INPP5A: variants seen among roughly 807,000 people sequenced by gnomAD.
INPP5A encodes 43 kDa inositol polyphosphate 5-phophatase.
In INPP5A, 14 loss-of-function variants were observed where a neutral mutation model predicts 65.2. That is an observed-to-expected ratio of 0.21 (90% CI 0.14 to 0.34). INPP5A has a LOEUF of 0.34. Ranked by LOEUF, INPP5A falls within the 10% of genes least tolerant of loss-of-function variation. INPP5A has a pLI of 1.00. For missense variants in INPP5A, 431 were observed against 545.6 expected (o/e 0.79, Z 2.09); for synonymous variants, 207 against 208.3 (o/e 0.99, Z 0.05).
At chr10:132,543,567 C>A (rs1167463075) in intron 1 of INPP5A, among the ~76,000 whole-genome samples, 2 of 152,368 alleles carry the variant, frequency 1.3e-5, no homozygotes, top group East Asian at 3.9e-4. Context: ...CAGGCATGCA[C>A]CACTATGCCC....
At chr10:132,736,500 G>A (rs532921946) in intron 9 of INPP5A, among the ~76,000 whole-genome samples, 12 of 152,360 alleles carry the variant, frequency 7.9e-5, no homozygotes, top group East Asian at 3.9e-4. Flanking sequence ...AGCCGTCCTC[G>A]GAGAGGGGCT....
intron 11 of INPP5A, among the ~76,000 whole-genome samples, chr10:132,752,830 C>G (rs1258398250): frequency 6.6e-6 from 1 of 152,114 alleles, no homozygotes; most frequent in Non-Finnish European, 1.5e-5. Context: ...CTGTCGGTAG[C>G]CACCATACCG....
intron 6 of INPP5A, among the ~76,000 whole-genome samples, chr10:132,699,218 G>A (rs540262236): frequency 3.3e-5 from 5 of 152,200 alleles, no homozygotes; most frequent in African/African-American, 7.2e-5. Flanking sequence ...GTGCAGGCCC[G>A]TCGGAAGGGC....
At chr10:132,754,261 G>A (rs1168442982) in intron 11 of INPP5A, among the ~76,000 whole-genome samples, 2 of 152,258 alleles carry the variant, frequency 1.3e-5, no homozygotes, top group African/African-American at 4.8e-5. Flanking sequence ...GACCCGTGGG[G>A]TAAAGACCGC....
chr10:132,608,731 G>A (rs550191741), intron 2 of INPP5A, among the ~76,000 whole-genome samples: 4 of 152,354 alleles, frequency 2.6e-5, no homozygotes, highest in Admixed American at 6.5e-5. Flanking sequence ...TGGCCTGGAC[G>A]GTGGAGCTGC....
intron 4 of INPP5A, among the ~76,000 whole-genome samples, chr10:132,656,706 C>T (rs1348418478): frequency 6.6e-6 from 1 of 152,240 alleles, no homozygotes; most frequent in African/African-American, 2.4e-5. Context: ...TGAAGGGCAC[C>T]AAGCAGGGTT....
intron 8 of INPP5A, among the ~76,000 whole-genome samples, chr10:132,723,604 GTGGGGATTGGCCGTGTGGGGATTGGTTT>G (rs1845930954): frequency 1.4e-5 from 2 of 147,730 alleles, no homozygotes; most frequent in East Asian, 2.0e-4. Context: ...GATTGGTTTT[GTGGGGATTGGCCGTGTGGGGATTGGTTT>G]TGTGGGGATT....
intron 4 of INPP5A, among the ~76,000 whole-genome samples, chr10:132,672,935 A>C (rs1450449124): frequency 1.3e-5 from 2 of 151,964 alleles, no homozygotes. Flanking sequence ...CCAAACCTTC[A>C]TTCCTGAGGG....
chr10:132,562,823 C>T (rs1001247745), intron 1 of INPP5A, among the ~76,000 whole-genome samples: 5 of 152,216 alleles, frequency 3.3e-5, no homozygotes, highest in Non-Finnish European at 5.9e-5. Context: ...AGAGGCCCCT[C>T]GAGAGGGACA....
chr10:132,778,646 C>T (rs927458437), intron 13 of INPP5A, among the ~76,000 whole-genome samples: 1 of 152,188 alleles, frequency 6.6e-6, no homozygotes, highest in African/African-American at 2.4e-5. Context: ...CTGAACATAA[C>T]GTGGGTGTGC....
At chr10:132,607,838 C>T (rs1437573610) in intron 1 of INPP5A, 77 bp from the exon 2 acceptor site, 7 of 1,418,500 alleles carry the variant, frequency 4.9e-6, no homozygotes, top group Non-Finnish European at 5.9e-6. Context: ...ACGTTGTCTT[C>T]ACAGGAGCTT....
Position 132,705,693 on chromosome 10 carries a change from GGGAAGAAGGACCAGCCCT to G in INPP5A, c.475-2614_475-2597del, listed in dbSNP as rs1845527753. 6.6e-6 allele frequency among the ~76,000 whole-genome samples: 1 copy of G among 152,210 alleles called. No homozygotes were observed. The highest frequency in any genetic ancestry group is 2.1e-4 in the South Asian group (1 of 4,830). On this transcript the variant is annotated intron_variant, in intron 6 of 15. Coordinates refer to ENST00000368594, the MANE Select transcript of INPP5A (RefSeq NM_005539.5). The surrounding 1 kb of genome is among the most constrained non-coding windows in gnomAD (Gnocchi z 4.9). ...CTGGGGCCCGGGACTTTACAGGTGA[GGGAAGAAGGACCAGCCCT>G]GGAAGGAGGAAGCTTGGAGCCACCT...
chr10:132,729,083 G>T (rs929138597), intron 9 of INPP5A, among the ~76,000 whole-genome samples: 1 of 152,104 alleles, frequency 6.6e-6, no homozygotes, highest in Non-Finnish European at 1.5e-5. Context: ...CAGCAGGCGT[G>T]GGGGGCCTGG....
Position 132,727,845 on chromosome 10 carries a change from G to T in INPP5A, c.732+940G>T. Among the ~76,000 whole-genome samples, 1 of 152,136 alleles carries T rather than the reference G, an allele frequency of 6.6e-6. No individual in the cohort carries two copies. Among genetic ancestry groups the T allele is most frequent in the East Asian group, 1.9e-4 (1 of 5,190 alleles). ...AGTCAGATGGGGACATGGTGAGTTG[G>T]ATGGGGACACAGTGAGTTGGATGGG... On this transcript the variant is annotated intron_variant, in intron 9 of 15. Coordinates refer to ENST00000368594, the MANE Select transcript of INPP5A (RefSeq NM_005539.5). The surrounding 1 kb of genome is among the most constrained non-coding windows in gnomAD (Gnocchi z 6.5).
chr10:132,595,893 GTTT>G (rs34485149), intron 1 of INPP5A, among the ~76,000 whole-genome samples: 5 of 147,844 alleles, frequency 3.4e-5, no homozygotes, highest in South Asian at 2.1e-4. Context: ...AAAGTAATGA[GTTT>G]TTTTTTTTTA....
chr10:132,544,890 G>T (rs928460925), intron 1 of INPP5A, among the ~76,000 whole-genome samples: 1 of 152,072 alleles, frequency 6.6e-6, no homozygotes, highest in Non-Finnish European at 1.5e-5. Context: ...AGTCTCTAGA[G>T]TTGCTGAGGA....
intron 12 of INPP5A, among the ~76,000 whole-genome samples, chr10:132,774,267 C>G (rs749437471): frequency 2.0e-5 from 3 of 152,198 alleles, no homozygotes; most frequent in Non-Finnish European, 2.9e-5. Context: ...GAAGGCAGAG[C>G]TTTGATGAGG....
chr10:132,614,895 G>A (rs553181252), intron 2 of INPP5A, among the ~76,000 whole-genome samples: 131 of 152,376 alleles, frequency 8.6e-4, no homozygotes, highest in African/African-American at 3.0e-3. Context: ...CCCTCCTCGT[G>A]GAATGGGCTG....
rs5789138 is a variant in INPP5A at position 132,782,250 on chromosome 10, GTTTT to G, written c.*236_*239del. ...TATGTGACATTAAGTAGAAATATTG[GTTTT>G]TTTTTTTTTTTTTTAAATAAGTCAC... On this transcript the variant is annotated 3_prime_UTR_variant, in exon 16 of 16. Transcript: ENST00000368594. The surrounding 1 kb of genome is among the most constrained non-coding windows in gnomAD (Gnocchi z 4.4). The G allele has an allele frequency of 5.7e-5, 19 of 335,760 alleles. No individual in the cohort carries two copies. The highest frequency in any genetic ancestry group is 8.5e-5 in the Non-Finnish European group (15 of 176,560). The allele number at this position is 335,760 out of a possible 1,614,324, so 20.8% of individuals were successfully genotyped here. A position where few individuals can be genotyped will look rare whatever the true frequency, so the allele number is the denominator to read the frequency against.
Sources: allele counts gnomAD v4.1 joint callset (sites outside exome capture counted in the v4.1 genomes callset), GRCh38; gene constraint gnomAD v4.1.1; non-coding constraint Gnocchi (gnomAD v3.1); transcripts MANE v1.5; gene names NCBI Gene and HGNC (gene_info 2026-07-23, HGNC 2026-07-21).